Variants in DLGAP1 observed in about 807,000 individuals in gnomAD.
DLGAP1 encodes disks large-associated protein 1.
In DLGAP1, 11 loss-of-function variants were observed where a neutral mutation model predicts 90.8. That is an observed-to-expected ratio of 0.12 (90% confidence interval 0.08 to 0.20). The LOEUF is 0.20. Ranked by LOEUF, DLGAP1 falls within the 10% of genes least tolerant of loss-of-function variation. DLGAP1 has a pLI of 1.00. For synonymous variants in DLGAP1, 558 were observed against 540.7 expected (o/e 1.03, Z -0.44); for missense variants, 1,050 against 1,333.8 (o/e 0.79, Z 3.31).
At chr18:4,255,759 A>G (rs1377381239) in intron 1 of DLGAP1, among the ~76,000 whole-genome samples, 2 of 152,104 alleles carry the variant, frequency 1.3e-5, no homozygotes, top group African/African-American at 4.8e-5. Context: ...TAAAAACTAT[A>G]CTTTTCCCCA....
At chr18:4,381,908 C>T (rs765331350) in intron 1 of DLGAP1, among the ~76,000 whole-genome samples, 14 of 152,116 alleles carry the variant, frequency 9.2e-5, no homozygotes, top group East Asian at 3.9e-4. Flanking sequence ...ACAATTATGG[C>T]GGAAGGCAAA....
chr18:4,185,690 G>T (rs12604389), intron 1 of DLGAP1, among the ~76,000 whole-genome samples: 26,835 of 151,918 alleles, frequency 0.18, 3,145 homozygotes, highest in East Asian at 0.51. Context: ...ATGCCATTGA[G>T]GGACATTTAG....
chr18:4,358,410 G>A (rs940781854), intron 1 of DLGAP1, among the ~76,000 whole-genome samples: 2 of 152,168 alleles, frequency 1.3e-5, no homozygotes, highest in African/African-American at 2.4e-5. Context: ...AAAGTTAAAA[G>A]GCCTTTAGGG....
intron 10 of DLGAP1, among the ~76,000 whole-genome samples, chr18:3,522,845 A>G (rs1029160320): frequency 4.6e-5 from 7 of 152,156 alleles, no homozygotes; most frequent in African/African-American, 1.7e-4. Flanking sequence ...ACCCAGCTGC[A>G]GTCAACTAAT....
chr18:3,617,308 A>G (rs1260941988), intron 7 of DLGAP1, among the ~76,000 whole-genome samples: 1 of 152,170 alleles, frequency 6.6e-6, no homozygotes, highest in Non-Finnish European at 1.5e-5. Flanking sequence ...ATAAACAAAA[A>G]ATACTGCTGG....
rs898146686 is a variant in DLGAP1, at chr18:3,517,694, G to A, written c.2480-9033C>T. Among the ~76,000 whole-genome samples the A allele has an allele frequency of 1.3e-5, 2 of 152,068 alleles. No homozygotes were observed. The highest frequency in any genetic ancestry group is 4.8e-5 in the African/African-American group (2 of 41,392). The stretch of plus-strand genomic sequence containing the variant: ...TAGTCAGGCACGGTGGCGCATGCCT[G>A]TAATCCCAGCTACTCAGGAGGCTGA... On this transcript the variant is annotated intron_variant, in intron 10 of 12. Coordinates refer to ENST00000315677, the MANE Select transcript of DLGAP1 (RefSeq NM_004746.4). This position sits in a 1 kb window ranked among gnomAD's most constrained non-coding sequence, Gnocchi z 4.1.
chr18:3,819,472 A>T (rs749365023), intron 4 of DLGAP1, among the ~76,000 whole-genome samples: 16 of 152,184 alleles, frequency 1.1e-4, no homozygotes, highest in African/African-American at 3.9e-4. Flanking sequence ...GAGAAGAAAA[A>T]CAAGAAATGA....
At chr18:3,939,844 A>G (rs911472770) in intron 3 of DLGAP1, among the ~76,000 whole-genome samples, 10 of 152,186 alleles carry the variant, frequency 6.6e-5, no homozygotes, top group African/African-American at 2.4e-4. Context: ...TTTGACCCCA[A>G]CCATTAATGA....
At chr18:4,106,198 G>A (rs2143938003) in intron 2 of DLGAP1, among the ~76,000 whole-genome samples, 1 of 152,204 alleles carries the variant, frequency 6.6e-6, no homozygotes, top group South Asian at 2.1e-4. Flanking sequence ...CAACTCAGAG[G>A]ATAAGGGCCA....
chr18:4,348,406 G>A (rs9961397), intron 1 of DLGAP1, among the ~76,000 whole-genome samples: 39,687 of 117,878 alleles, frequency 0.34, 5,953 homozygotes, highest in South Asian at 0.47. Context: ...AGGAATGTGT[G>A]TGTGTGTGTG....
intron 4 of DLGAP1, among the ~76,000 whole-genome samples, chr18:3,866,571 T>C (rs2070397491): frequency 6.6e-6 from 1 of 152,242 alleles, no homozygotes; most frequent in South Asian, 2.1e-4. Flanking sequence ...TGTTTTGCTT[T>C]ATTTGAACAC....
chr18:3,695,881 A>G (rs2061073946), intron 7 of DLGAP1, among the ~76,000 whole-genome samples: 1 of 102,566 alleles, frequency 9.7e-6, no homozygotes, highest in East Asian at 3.4e-4. Flanking sequence ...TACTTCCTTG[A>G]GCAGTGGTTT....
intron 11 of DLGAP1, among the ~76,000 whole-genome samples, chr18:3,505,569 C>A (rs1181819332): frequency 7.0e-6 from 1 of 143,440 alleles, no homozygotes; most frequent in Non-Finnish European, 1.5e-5. Flanking sequence ...ACCCGTGAGG[C>A]AGAGATTGCA....
chr18:3,796,869 T>C (rs529632056), intron 5 of DLGAP1, among the ~76,000 whole-genome samples: 143 of 152,330 alleles, frequency 9.4e-4, no homozygotes, highest in Non-Finnish European at 1.6e-3. Context: ...TACTCAAAGA[T>C]AGAAAATAGT....
At chr18:4,325,633 A>T (rs538527823) in intron 1 of DLGAP1, among the ~76,000 whole-genome samples, 1 of 152,352 alleles carries the variant, frequency 6.6e-6, no homozygotes, top group South Asian at 2.1e-4. Flanking sequence ...GGCTAGAGTA[A>T]CCAAAACAGC....
chr18:4,345,029 G>A (rs2081276840), intron 1 of DLGAP1, among the ~76,000 whole-genome samples: 1 of 152,130 alleles, frequency 6.6e-6, no homozygotes, highest in African/African-American at 2.4e-5. Flanking sequence ...TCAGGGCTTT[G>A]AGATGCAGTA....
chr18:4,338,910 G>T (rs2081130747), intron 1 of DLGAP1, among the ~76,000 whole-genome samples: 1 of 152,060 alleles, frequency 6.6e-6, no homozygotes, highest in Non-Finnish European at 1.5e-5. Flanking sequence ...TACGTTATTT[G>T]CTCATATATT....
At chr18:3,908,372 A>C (rs562676189) in intron 3 of DLGAP1, among the ~76,000 whole-genome samples, 1 of 152,210 alleles carries the variant, frequency 6.6e-6, no homozygotes, top group Non-Finnish European at 1.5e-5. Context: ...TAATAGATTA[A>C]ATATCTCAAA....
rs2147030628 is a variant in DLGAP1 at position 3,692,411 on chromosome 18, T to C, written c.1591+36724A>G. Among the ~76,000 whole-genome samples, 3 of 152,364 alleles carry C rather than the reference T, an allele frequency of 2.0e-5. No individual in the cohort carries two copies. In the Middle Eastern group the frequency reaches 0.01, roughly 518 times the overall value. On this transcript the variant is annotated intron_variant, in intron 7 of 12. Coordinates refer to ENST00000315677, the MANE Select transcript of DLGAP1 (RefSeq NM_004746.4). ...TCTCCAGAGTTCAAATGTAATTTTATCATTTTAATTAGTAGTTTATCCTTT... is the reference window on the plus strand; with the variant it reads ...TCTCCAGAGTTCAAATGTAATTTTACCATTTTAATTAGTAGTTTATCCTTT...
Sources: allele counts gnomAD v4.1 joint callset (sites outside exome capture counted in the v4.1 genomes callset), GRCh38; gene constraint gnomAD v4.1.1; non-coding constraint Gnocchi (gnomAD v3.1); transcripts MANE v1.5; gene names NCBI Gene and HGNC (gene_info 2026-07-23, HGNC 2026-07-21).